The following GRID2 variants were observed in gnomAD, a reference collection of about 807,000 sequenced individuals.
The protein encoded by GRID2 is glutamate ionotropic receptor delta type subunit 2.
Under a neutral mutation model 114.8 loss-of-function variants are expected in GRID2, and 33 were observed. The observed-to-expected ratio is 0.29, with a 90% CI of 0.22 to 0.38. GRID2 has a LOEUF of 0.38. Among genes scored for constraint, GRID2 ranks in the 10% least tolerant of loss-of-function variants. The probability of loss-of-function intolerance (pLI) is 1.00; values close to 1 mark genes in which losing one functional copy is unlikely to be tolerated. For missense variants in GRID2, 1,184 were observed against 1,257.7 expected (o/e 0.94, Z 0.89); for synonymous variants, 505 against 449.9 (o/e 1.12, Z -1.55).
intron 2 of GRID2, among the ~76,000 whole-genome samples, chr4:92,741,708 T>A (rs1578130774): frequency 6.6e-6 from 1 of 152,222 alleles, no homozygotes; most frequent in Non-Finnish European, 1.5e-5. Flanking sequence ...TCCGTTCAAA[T>A]GTTTTCAAAC....
chr4:92,393,559 A>C (rs1317967364), intron 1 of GRID2, among the ~76,000 whole-genome samples: 1 of 152,272 alleles, frequency 6.6e-6, no homozygotes, highest in Admixed American at 6.5e-5. Context: ...ACAGTTAATT[A>C]TGTAAGGAAA....
At chr4:93,139,019 A>G (rs550938074) in intron 4 of GRID2, among the ~76,000 whole-genome samples, 1 of 152,226 alleles carries the variant, frequency 6.6e-6, no homozygotes, top group Admixed American at 6.5e-5. Context: ...CTGCTTTCCT[A>G]TTTATCCTTC....
intron 9 of GRID2, among the ~76,000 whole-genome samples, chr4:93,406,516 A>G (rs1276029915): frequency 6.6e-6 from 1 of 152,168 alleles, no homozygotes; most frequent in Non-Finnish European, 1.5e-5. Flanking sequence ...GTACTAGACC[A>G]TCAATGCTAG....
At chr4:93,114,385 G>A (rs1455024494) in intron 4 of GRID2, among the ~76,000 whole-genome samples, 2 of 152,048 alleles carry the variant, frequency 1.3e-5, no homozygotes, top group Admixed American at 6.6e-5. Context: ...TTATAATAAT[G>A]TATCCCTTCC....
chr4:93,645,796 A>C (rs1248807929), intron 14 of GRID2, among the ~76,000 whole-genome samples: 1 of 152,170 alleles, frequency 6.6e-6, no homozygotes, highest in Non-Finnish European at 1.5e-5. Context: ...TTTGTTAATT[A>C]ATCATTTCTT....
chr4:92,721,033 C>G (rs904271728), intron 2 of GRID2, among the ~76,000 whole-genome samples: 10 of 152,010 alleles, frequency 6.6e-5, no homozygotes, highest in African/African-American at 1.9e-4. Context: ...AGTTATTATG[C>G]TAAGTGAAAT....
At chr4:92,384,463 TATA>T (rs1729780566) in intron 1 of GRID2, among the ~76,000 whole-genome samples, 1 of 51,748 alleles carries the variant, frequency 1.9e-5, no homozygotes, top group Non-Finnish European at 3.4e-5. Context: ...TATATATATA[TATA>T]TATATATATA....
chr4:93,016,535 CCT>C (rs1437234017), intron 2 of GRID2, among the ~76,000 whole-genome samples: 1 of 152,136 alleles, frequency 6.6e-6, no homozygotes, highest in East Asian at 1.9e-4. Flanking sequence ...CCATGCACTG[CCT>C]CTCTGCCCAT....
Position 93,315,253 on chromosome 4 carries a change from T to G in GRID2, c.1245+76763T>G, listed in dbSNP as rs149510207. Reference sequence around the variant, plus strand: ...CTTTTCTCCCTCCACACATGTGGATTACAGGTCCCTCGCTTCACACATGGG... The same window carrying G: ...CTTTTCTCCCTCCACACATGTGGATGACAGGTCCCTCGCTTCACACATGGG... On this transcript the variant is annotated intron_variant, in intron 8 of 15. Transcript: ENST00000282020. 9.6e-3 allele frequency among the ~76,000 whole-genome samples: 1,459 copies of G among 152,262 alleles called. 17 individuals are homozygous for G. The highest frequency in any genetic ancestry group is 0.051 in the South Asian group (246 of 4,814).
rs56070810 is a variant in GRID2, at chr4:92,806,166, GACACACAC to G, written c.244+215919_244+215926del. On this transcript the variant is annotated intron_variant, in intron 2 of 15. Coordinates refer to ENST00000282020, the MANE Select transcript of GRID2 (RefSeq NM_001510.4). ...CAAATCTATTAGAAAATAGGCTATC[GACACACAC>G]ACACACACACACACACACACACACA... 4.6e-3 allele frequency among the ~76,000 whole-genome samples: 616 copies of G among 133,330 alleles called. 5 individuals are homozygous for G. Among genetic ancestry groups the G allele is most frequent in the African/African-American group, 0.013 (462 of 36,368 alleles). 87.5% of individuals were successfully genotyped at this position (133,330 alleles called of 152,430 possible). A position where few individuals can be genotyped will look rare whatever the true frequency, so the allele number is the denominator to read the frequency against.
Position 92,416,328 on chromosome 4 carries a change from C to G in GRID2, c.88+111584C>G, listed in dbSNP as rs140599824. Among the ~76,000 whole-genome samples the G allele has an allele frequency of 8.7e-3, 1,317 of 152,152 alleles. 20 individuals carry two copies. The highest frequency in any genetic ancestry group is 0.03 in the African/African-American group (1,261 of 41,508). On this transcript the variant is annotated intron_variant, in intron 1 of 15. Transcript: ENST00000282020. ...CGTCCTTTGTCGGATGCATAGTTTG[C>G]AAATATTTTCTCCCACTCTGTGGGT... is the stretch of plus-strand genomic sequence containing the variant.
chr4:92,880,825 G>T (rs1411221139), intron 2 of GRID2, among the ~76,000 whole-genome samples: 1 of 152,096 alleles, frequency 6.6e-6, no homozygotes, highest in Non-Finnish European at 1.5e-5. Flanking sequence ...GGGTTCAAGT[G>T]ATTCTACTGC....
chr4:93,082,752 A>G (rs192626894), intron 2 of GRID2, among the ~76,000 whole-genome samples: 31 of 152,318 alleles, frequency 2.0e-4, no homozygotes, highest in African/African-American at 5.8e-4. Context: ...GAATAGCACG[A>G]TAGGCAATAC....
intron 1 of GRID2, among the ~76,000 whole-genome samples, chr4:92,557,637 ATATATGGT>A (rs1023723140): frequency 2.5e-5 from 3 of 119,884 alleles, no homozygotes; most frequent in African/African-American, 1.1e-4. Context: ...CTGCATATAT[ATATATGGT>A]TATATATATA....
At chr4:93,670,493 A>G (rs140222139) in intron 14 of GRID2, among the ~76,000 whole-genome samples, 38 of 152,354 alleles carry the variant, frequency 2.5e-4, no homozygotes, top group African/African-American at 8.9e-4. Flanking sequence ...ACTTGGATTT[A>G]TAAGCCTAGA....
At chr4:93,205,021 T>G (rs1428599352) in intron 4 of GRID2, among the ~76,000 whole-genome samples, 1 of 152,136 alleles carries the variant, frequency 6.6e-6, no homozygotes, top group Non-Finnish European at 1.5e-5. Context: ...AACATATTTC[T>G]CTTTATTTTA....
At chr4:92,684,658 T>C (rs1385155218) in intron 2 of GRID2, among the ~76,000 whole-genome samples, 1 of 152,020 alleles carries the variant, frequency 6.6e-6, no homozygotes, top group Non-Finnish European at 1.5e-5. Flanking sequence ...TGAGCCAGGA[T>C]TTAACTACTA....
intron 2 of GRID2, among the ~76,000 whole-genome samples, chr4:92,630,505 C>T (rs1730752470): frequency 6.6e-6 from 1 of 152,104 alleles, no homozygotes; most frequent in Admixed American, 6.6e-5. Context: ...TGAAAGCTTT[C>T]CTTAACCTGA....
chr4:92,461,365 G>C (rs945361169), intron 1 of GRID2, among the ~76,000 whole-genome samples: 2 of 151,784 alleles, frequency 1.3e-5, no homozygotes, highest in African/African-American at 2.4e-5. Flanking sequence ...AAAAAGCATG[G>C]TATTTTTATA....
Sources: gnomAD v4.1 joint callset for allele counts (sites outside exome capture counted in the v4.1 genomes callset) on GRCh38, gnomAD v4.1.1 for gene constraint, MANE v1.5 for transcripts, NCBI Gene and HGNC (gene_info 2026-07-23, HGNC 2026-07-21) for gene names.